Variants in MAP3K3 observed in about 807,000 individuals in gnomAD.
The protein encoded by MAP3K3 is MAP/ERK kinase kinase 3.
A neutral mutation model predicts 80.9 loss-of-function variants in MAP3K3; 12 were observed. That is an observed-to-expected ratio of 0.15 (90% CI 0.10 to 0.24). The LOEUF is 0.24. MAP3K3 is among the 10% of genes least tolerant of loss of function. The probability of loss-of-function intolerance (pLI) is 1.00; values close to 1 mark genes in which losing one functional copy is unlikely to be tolerated. For missense variants in MAP3K3, 596 were observed against 834.7 expected, an observed-to-expected ratio of 0.71 and a Z score of 3.52; for synonymous variants, 272 against 307.1, an observed-to-expected ratio of 0.89 and a Z score of 1.19.
At chr17:63,647,849 A>G (rs1285028316) in intron 3 of MAP3K3, among the ~76,000 whole-genome samples, 1 of 152,208 alleles carries the variant, frequency 6.6e-6, no homozygotes, top group Non-Finnish European at 1.5e-5. Flanking sequence ...GAATATGGGT[A>G]GTATTTATCT....
intron 6 of MAP3K3, 87 bp downstream of exon 6, chr17:63,667,147 A>G: frequency 7.2e-7 from 1 of 1,380,034 alleles, no homozygotes; most frequent in Non-Finnish European, 9.8e-7. Flanking sequence ...TTAAATAATC[A>G]TCAAATATTT....
chr17:63,641,580 C>T (rs966706839), intron 2 of MAP3K3, among the ~76,000 whole-genome samples: 1 of 152,098 alleles, frequency 6.6e-6, no homozygotes, highest in African/African-American at 2.4e-5. Flanking sequence ...TACTTTTGCA[C>T]CAACCTAAGT....
chr17:63,687,475 G>A lies in MAP3K3; in HGVS notation c.711-1052G>A, dbSNP rs1339294739. Among the ~76,000 whole-genome samples the A allele has an allele frequency of 4.7e-5, 7 of 150,262 alleles. No homozygotes were observed. The East Asian group carries it at 1.4e-3, about 30-fold the overall frequency. The stretch of plus-strand genomic sequence containing the variant: ...TGTAGTGAACCCAGATCGCCCCATT[G>A]CACTCCAGTCTGGGCAACAGTGTGA... On this transcript the variant is annotated intron_variant, in intron 8 of 15. Coordinates refer to ENST00000361733, the MANE Select transcript of MAP3K3 (RefSeq NM_002401.5).
In MAP3K3 at chr17:63,657,922, T is replaced by A; in HGVS notation, c.381+15T>A. 7.1e-7 allele frequency: 1 copy of A among 1,405,836 alleles called. No homozygotes were observed. The highest frequency in any genetic ancestry group is 1.0e-6 in the Non-Finnish European group (1 of 1,004,108). The allele number at this position is 1,405,836 out of a possible 1,614,324, so 87.1% of individuals were successfully genotyped here. A position where few individuals can be genotyped will look rare whatever the true frequency, so the allele number is the denominator to read the frequency against. On this transcript the variant is annotated intron_variant, in intron 5 of 15. Transcript: ENST00000361733. Reference sequence around the variant, plus strand: ...ACAGAAACCATGTAAGTAGCCCTTGTCATGGTCTGGCAGCTGAAGACAAAG... The same window carrying A: ...ACAGAAACCATGTAAGTAGCCCTTGACATGGTCTGGCAGCTGAAGACAAAG...
intron 8 of MAP3K3, among the ~76,000 whole-genome samples, chr17:63,687,210 G>GAAAA (rs58633694): frequency 7.7e-5 from 10 of 130,414 alleles, no homozygotes; most frequent in East Asian, 2.4e-4. Context: ...TACTAAAAAT[G>GAAAA]AAAAAAAAAA....
intron 2 of MAP3K3, among the ~76,000 whole-genome samples, chr17:63,638,098 T>C (rs890579749): frequency 6.6e-6 from 1 of 152,188 alleles, no homozygotes; most frequent in African/African-American, 2.4e-5. Flanking sequence ...AGTTTGAAAA[T>C]AAGATATAAA....
chr17:63,686,435 T>C (rs896163468), intron 8 of MAP3K3, among the ~76,000 whole-genome samples: 1 of 152,212 alleles, frequency 6.6e-6, no homozygotes, highest in African/African-American at 2.4e-5. Flanking sequence ...GGGCTTGCTT[T>C]CCAACCAGGG....
intron 2 of MAP3K3, chr17:63,636,763 G>A (rs1387991117): frequency 9.4e-6 from 3 of 319,656 alleles, no homozygotes; most frequent in Non-Finnish European, 1.2e-5. Flanking sequence ...CGACAATGAG[G>A]AGGAAGACAA....
At chr17:63,641,377 G>A (rs1379471081) in intron 2 of MAP3K3, among the ~76,000 whole-genome samples, 1 of 151,800 alleles carries the variant, frequency 6.6e-6, no homozygotes, top group Non-Finnish European at 1.5e-5. Flanking sequence ...CGAATAGCTG[G>A]GATTACAGGT....
intron 4 of MAP3K3, among the ~76,000 whole-genome samples, chr17:63,656,440 T>TAAA (rs570222627): frequency 7.4e-6 from 1 of 135,738 alleles, no homozygotes. Context: ...CAGTCTCTAC[T>TAAA]AAAAAAAAAA....
intron 8 of MAP3K3, chr17:63,688,227 C>T (rs116356332): frequency 4.2e-6 from 2 of 472,522 alleles, no homozygotes; most frequent in African/African-American, 2.0e-5. Context: ...TCTCTTGGAG[C>T]TCTTTGCCTG....
chr17:63,634,742 A>C lies in MAP3K3; in HGVS notation c.126+1940A>C, dbSNP rs765916440. The C allele has an allele frequency of 3.7e-6, 6 of 1,614,076 alleles. No individual in the cohort carries two copies. The Admixed American group carries it at 1.0e-4, about 27-fold the overall frequency. ...CAACAGCAGCAGCTCAGCCCTTCTG[A>C]ACAGCCCCACAGTAACAACAAGCTC... On this transcript the variant is annotated intron_variant, in intron 2 of 15. Coordinates refer to ENST00000361733, the MANE Select transcript of MAP3K3 (RefSeq NM_002401.5).
At chr17:63,625,590 T>C (rs1325003490) in intron 1 of MAP3K3, among the ~76,000 whole-genome samples, 2 of 152,172 alleles carry the variant, frequency 1.3e-5, no homozygotes, top group African/African-American at 4.8e-5. Flanking sequence ...TTGTCTAGGG[T>C]TCCAAGGCTG....
In MAP3K3 at chr17:63,632,774, A is replaced by G. The variant is rs764760347; in HGVS notation, c.98A>G (p.Asn33Ser). 1.9e-6 allele frequency: 3 copies of G among 1,614,138 alleles called. No homozygotes were observed. The highest frequency in any genetic ancestry group is 1.1e-5 in the South Asian group (1 of 91,088). Residue 33 changes from asparagine to serine, a missense_variant, in exon 2 of 16, where the codon AAC (asparagine) becomes AGC (serine). Asn to Ser is a conservative substitution (Grantham distance 46, BLOSUM62 1). This residue lies in a region of MAP3K3 where 232 missense variants were observed against 245.8 expected (regional missense o/e 0.94). Coordinates refer to ENST00000361733, the MANE Select transcript of MAP3K3 (RefSeq NM_002401.5). ...ATGCCTGGATATGAGACCATGAAGA[A>G]CAAAGACACAGGTCACTCAAATAGG... ...HRMPGYETMK[N>S]KDTGHSNRQS... is the part of the protein sequence containing the mutation.
chr17:63,651,600 TC>T, intron 3 of MAP3K3, among the ~76,000 whole-genome samples: 1 of 152,328 alleles, frequency 6.6e-6, no homozygotes, highest in East Asian at 1.9e-4. Flanking sequence ...ACTAACATTT[TC>T]CCAGTCTTGT....
chr17:63,692,512 G>C lies in MAP3K3; in HGVS notation c.1652+93G>C. 7.4e-7 allele frequency: 1 copy of C among 1,350,276 alleles called. No homozygotes were observed. The highest frequency in any genetic ancestry group is 1.0e-6 in the Non-Finnish European group (1 of 1,002,150). 83.6% of individuals were successfully genotyped at this position (1,350,276 alleles called of 1,614,324 possible). Reference sequence around the variant, plus strand: ...CCCTGGGGACTTTGTGGTGTGGCAGGAGGGAGTGTGCCCAGGGCCCAGGCT... The same window carrying C: ...CCCTGGGGACTTTGTGGTGTGGCAGCAGGGAGTGTGCCCAGGGCCCAGGCT... On this transcript the variant is annotated intron_variant, in intron 15 of 15. Transcript: ENST00000361733. The surrounding 1 kb of genome is among the most constrained non-coding windows in gnomAD (Gnocchi z 4.5).
Position 63,689,748 on chromosome 17 carries a change from C to T in MAP3K3, c.1063+13C>T, listed in dbSNP as rs552974409. 4.4e-6 allele frequency: 7 copies of T among 1,602,078 alleles called. No individual in the cohort carries two copies. The highest frequency in any genetic ancestry group is 6.0e-6 in the Non-Finnish European group (7 of 1,172,270). ...GTGCCAACCAAGTGTGAGGAGCTGTCCCTGGCTAGGAGGAGACTGCCCAGG... is the reference window on the plus strand; with the variant it reads ...GTGCCAACCAAGTGTGAGGAGCTGTTCCTGGCTAGGAGGAGACTGCCCAGG... On this transcript the variant is annotated intron_variant, in intron 11 of 15. Coordinates refer to ENST00000361733, the MANE Select transcript of MAP3K3 (RefSeq NM_002401.5). The surrounding 1 kb of genome is among the most constrained non-coding windows in gnomAD (Gnocchi z 4.3).
chr17:63,689,221 G>T lies in MAP3K3; in HGVS notation c.872-323G>T. 1.9e-6 allele frequency: 1 copy of T among 527,254 alleles called. No homozygotes were observed. Among genetic ancestry groups the T allele is most frequent in the South Asian group, 2.3e-5 (1 of 43,192 alleles). 32.7% of individuals were successfully genotyped at this position (527,254 alleles called of 1,614,324 possible). Reference sequence around the variant, plus strand: ...GGATACAAGGAAATCAGTGCCTTCGGGTGTGGCTTGGCCTTGCAAGCAATT... The same window carrying T: ...GGATACAAGGAAATCAGTGCCTTCGTGTGTGGCTTGGCCTTGCAAGCAATT... On this transcript the variant is annotated intron_variant, in intron 10 of 15. Coordinates refer to ENST00000361733, the MANE Select transcript of MAP3K3 (RefSeq NM_002401.5). This position sits in a 1 kb window ranked among gnomAD's most constrained non-coding sequence, Gnocchi z 4.3.
chr17:63,671,405 G>C (rs868862435), intron 6 of MAP3K3, among the ~76,000 whole-genome samples: 1 of 151,792 alleles, frequency 6.6e-6, no homozygotes, highest in African/African-American at 2.4e-5. Flanking sequence ...ACAGGCATGC[G>C]CCACCACACC....
Sources: gnomAD v4.1 joint callset for allele counts (sites outside exome capture counted in the v4.1 genomes callset) on GRCh38, gnomAD v4.1.1 for gene constraint, gnomAD v4.1.1 regional missense constraint, Gnocchi (gnomAD v3.1) non-coding constraint, MANE v1.5 for transcripts, NCBI Gene and HGNC (gene_info 2026-07-23, HGNC 2026-07-21) for gene names.